DPH6: variants seen among roughly 807,000 people sequenced by gnomAD.
DPH6 encodes the protein diphthamine biosynthesis 6.
In DPH6, 33 loss-of-function variants were observed where a neutral mutation model predicts 38.2. That is an observed-to-expected ratio of 0.86 (90% CI 0.65 to 1.15). DPH6 has a LOEUF of 1.15. Ranked by LOEUF, DPH6 falls within the 50% of genes most tolerant of loss-of-function variation. DPH6 has a pLI of 0.00. For missense variants in DPH6, 325 were observed against 320.0 expected, an observed-to-expected ratio of 1.02 and a Z score of -0.12; for synonymous variants, 108 against 103.0, an observed-to-expected ratio of 1.05 and a Z score of -0.30.
intron 3 of DPH6, among the ~76,000 whole-genome samples, chr15:35,460,671 T>C (rs1342547113): frequency 6.6e-6 from 1 of 152,222 alleles, no homozygotes; most frequent in Non-Finnish European, 1.5e-5. Context: ...TTCCTCACTT[T>C]GTAAATATCG....
chr15:35,221,740 T>C (rs1156417514), intron 3 of DPH6, among the ~76,000 whole-genome samples: 1 of 152,242 alleles, frequency 6.6e-6, no homozygotes, highest in Non-Finnish European at 1.5e-5. Flanking sequence ...TGGTATTCTC[T>C]CCCAAGCAAG....
chr15:35,437,425 A>C (rs2053731212), intron 5 of DPH6, among the ~76,000 whole-genome samples: 1 of 152,108 alleles, frequency 6.6e-6, no homozygotes, highest in Non-Finnish European at 1.5e-5. Flanking sequence ...CCAAACCTTA[A>C]ACTGGTTGGC....
chr15:35,201,169 T>G, the DPH6 span, among the ~76,000 whole-genome samples: 1 of 151,712 alleles, frequency 6.6e-6, no homozygotes, highest in African/African-American at 2.4e-5. Context: ...TTATACTTGA[T>G]GTCTGAATTT....
At chr15:35,290,517 G>A (rs1445401160) in intron 3 of DPH6, among the ~76,000 whole-genome samples, 1 of 152,188 alleles carries the variant, frequency 6.6e-6, no homozygotes, top group Non-Finnish European at 1.5e-5. Flanking sequence ...GCAAGAAGGC[G>A]ATTTAGTGTG....
intron 3 of DPH6, chr15:35,522,141 T>C: frequency 6.2e-7 from 1 of 1,613,226 alleles, no homozygotes; most frequent in Non-Finnish European, 8.5e-7. Context: ...GAAATGTGTG[T>C]TTATCAAACT....
chr15:35,178,838 C>T, the DPH6 span, among the ~76,000 whole-genome samples: 31 of 152,034 alleles, frequency 2.0e-4, no homozygotes, highest in Non-Finnish European at 4.3e-4. Flanking sequence ...TTTTGAATAA[C>T]AGAGAATACA....
intron 3 of DPH6, among the ~76,000 whole-genome samples, chr15:35,357,474 T>C (rs2052572374): frequency 6.6e-6 from 1 of 152,228 alleles, no homozygotes; most frequent in Non-Finnish European, 1.5e-5. Flanking sequence ...ATTTTGTTTA[T>C]AGGTTCTGTG....
chr15:35,303,137 A>G (rs978730722), intron 3 of DPH6, among the ~76,000 whole-genome samples: 2 of 152,002 alleles, frequency 1.3e-5, no homozygotes, highest in African/African-American at 4.8e-5. Flanking sequence ...ATTACATTGG[A>G]GTTAGAAAAT....
At chr15:35,366,684 C>T (rs567923761), downstream of DPH6, among the ~76,000 whole-genome samples, 4 of 151,944 alleles carry the variant, frequency 2.6e-5, no homozygotes, top group African/African-American at 9.6e-5. Context: ...CTCCCGGCCT[C>T]CACCACCATT....
chr15:35,161,526 C>T, the DPH6 span, among the ~76,000 whole-genome samples: 2 of 151,892 alleles, frequency 1.3e-5, no homozygotes, highest in Non-Finnish European at 2.9e-5. Context: ...ATGTTTGTGT[C>T]TCCCCCAAGT....
At chr15:35,245,421 G>A (rs886557102) in intron 3 of DPH6, among the ~76,000 whole-genome samples, 1 of 151,956 alleles carries the variant, frequency 6.6e-6, no homozygotes, top group African/African-American at 2.4e-5. Flanking sequence ...TGTATTTTTA[G>A]TAGAGATGGG....
At chr15:35,374,603 A>G (rs908891457) in intron 7 of DPH6, among the ~76,000 whole-genome samples, 1 of 151,924 alleles carries the variant, frequency 6.6e-6, no homozygotes, top group African/African-American at 2.4e-5. Context: ...ATGATTAAAA[A>G]CCCCAATTAT....
intron 3 of DPH6, among the ~76,000 whole-genome samples, chr15:35,279,048 C>CAAAA (rs71123126): frequency 1.3e-3 from 89 of 70,580 alleles, no homozygotes; most frequent in African/African-American, 2.9e-3. Flanking sequence ...GACTCTGTCT[C>CAAAA]AAAAAAAAAA....
intron 3 of DPH6, among the ~76,000 whole-genome samples, chr15:35,346,294 TTGG>T (rs372950124): frequency 2.2e-4 from 33 of 152,156 alleles, no homozygotes; most frequent in Middle Eastern, 3.4e-3. Flanking sequence ...TCATCTACTC[TTGG>T]AAGTGTGTGA....
In DPH6 at chr15:35,442,771, C is replaced by G. The variant is rs116202562; in HGVS notation, c.505+7914G>C. ...AAGTGAAAGAAGCCAGTCACAGTGA[C>G]CACATATTGTAGGATTCCAATTATA... is the stretch of plus-strand genomic sequence containing the variant. On this transcript the variant is annotated intron_variant, in intron 5 of 8. Transcript: ENST00000256538. 9.4e-3 allele frequency among the ~76,000 whole-genome samples: 1,426 copies of G among 152,212 alleles called. 22 individuals are homozygous for G. The highest frequency in any genetic ancestry group is 0.032 in the African/African-American group (1,346 of 41,510).
chr15:35,516,014 C>T (rs1270264058), intron 3 of DPH6, among the ~76,000 whole-genome samples: 1 of 152,084 alleles, frequency 6.6e-6, no homozygotes. Context: ...AAATTAAGCC[C>T]TGGAAAATAT....
Position 35,521,528 on chromosome 15 carries a change from T to C in DPH6, c.312+16746A>G, listed in dbSNP as rs2054922665. On this transcript the variant is annotated intron_variant, in intron 3 of 8. Coordinates refer to ENST00000256538, the MANE Select transcript of DPH6 (RefSeq NM_080650.4). Reference sequence around the variant, plus strand: ...GCTGATAGGACTATGAAGAGTTGTGTTCAATTTTGAAGAAATCTAAGAGAA... The same window carrying C: ...GCTGATAGGACTATGAAGAGTTGTGCTCAATTTTGAAGAAATCTAAGAGAA... 6 of 1,221,846 alleles carry C rather than the reference T, an allele frequency of 4.9e-6. No individual in the cohort carries two copies. The Admixed American group carries it at 2.1e-4, about 43-fold the overall frequency. The allele number at this position is 1,221,846 out of a possible 1,614,324, so 75.7% of individuals were successfully genotyped here. A position where few individuals can be genotyped will look rare whatever the true frequency, so the allele number is the denominator to read the frequency against.
chr15:35,170,070 T>C, the DPH6 span, among the ~76,000 whole-genome samples: 1 of 152,204 alleles, frequency 6.6e-6, no homozygotes, highest in Non-Finnish European at 1.5e-5. Flanking sequence ...TTAGGCTAAT[T>C]TGATAAAGGA....
chr15:35,318,581 A>G (rs1169908420), intron 3 of DPH6, among the ~76,000 whole-genome samples: 1 of 152,168 alleles, frequency 6.6e-6, no homozygotes, highest in Non-Finnish European at 1.5e-5. Context: ...GCCTCAATGA[A>G]TTTAAAGAAA....
Sources: gnomAD v4.1 joint callset for allele counts (sites outside exome capture counted in the v4.1 genomes callset) on GRCh38, gnomAD v4.1.1 for gene constraint, MANE v1.5 for transcripts, NCBI Gene and HGNC (gene_info 2026-07-23, HGNC 2026-07-21) for gene names.